Variants in AP4E1 observed in about 807,000 individuals in gnomAD.
AP4E1 encodes adaptor related protein complex 4 subunit epsilon 1.
Under a neutral mutation model 128.2 loss-of-function variants are expected in AP4E1, and 56 were observed. The ratio of observed to expected loss-of-function variants is 0.44; its 90% CI spans 0.35 to 0.55. AP4E1 has a LOEUF of 0.55. Among genes scored for constraint, AP4E1 ranks in the 20% least tolerant of loss-of-function variants. The pLI, the probability that AP4E1 is intolerant of heterozygous loss-of-function variation, is 0.00. For synonymous variants in AP4E1, 484 were observed against 473.1 expected, an observed-to-expected ratio of 1.02 and a Z score of -0.30; for missense variants, 1,324 against 1,307.7, an observed-to-expected ratio of 1.01 and a Z score of -0.19.
chr15:50,946,068 G>A, intron 10 of AP4E1: 1 of 675,834 alleles, frequency 1.5e-6, no homozygotes, highest in Non-Finnish European at 2.6e-6. Context: ...ACAAATTAAA[G>A]TGCTGGGACT....
At chr15:50,911,939 A>G (rs957129124) in intron 1 of AP4E1, 139 bp from the exon 2 acceptor site, 14 of 728,760 alleles carry the variant, frequency 1.9e-5, no homozygotes, top group Middle Eastern at 7.6e-4. Flanking sequence ...TCGTAAGCAG[A>G]TAGTATTTGT....
At chr15:50,953,356 T>C (rs2064177141) in intron 13 of AP4E1, among the ~76,000 whole-genome samples, 1 of 152,236 alleles carries the variant, frequency 6.6e-6, no homozygotes, top group Admixed American at 6.5e-5. Context: ...TAGTTTTGCT[T>C]TCTGCAGTTT....
intron 17 of AP4E1, 96 bp from the exon 18 acceptor site, chr15:50,997,230 A>T: frequency 9.0e-7 from 1 of 1,114,628 alleles, no homozygotes; most frequent in Non-Finnish European, 1.2e-6. Flanking sequence ...ACCTTAGCAA[A>T]TTGTTATATT....
At chr15:50,939,147 C>T (rs2141171539) in intron 8 of AP4E1, among the ~76,000 whole-genome samples, 1 of 152,100 alleles carries the variant, frequency 6.6e-6, no homozygotes. Flanking sequence ...TGAAGAGTAA[C>T]CAAGTTCCAT....
At chr15:50,945,455 C>T (rs2064046400) in intron 10 of AP4E1, 1 of 774,690 alleles carries the variant, frequency 1.3e-6, no homozygotes, top group Non-Finnish European at 2.4e-6. Flanking sequence ...AACTTACATA[C>T]TTTTGATATG....
At chr15:50,964,955 C>CCCCACACACA (rs1555459128) in intron 14 of AP4E1, among the ~76,000 whole-genome samples, 25 of 131,452 alleles carry the variant, frequency 1.9e-4, no homozygotes, top group African/African-American at 5.7e-4. Context: ...CCTCCCCCTA[C>CCCCACACACA]CACACACACA....
intron 10 of AP4E1, among the ~76,000 whole-genome samples, chr15:50,946,807 G>C (rs1362669691): frequency 1.3e-5 from 2 of 152,158 alleles, no homozygotes; most frequent in Non-Finnish European, 2.9e-5. Flanking sequence ...GCAAATGGGA[G>C]CTTACTCTGG....
chr15:50,934,822 G>T, intron 8 of AP4E1, 125 bp downstream of exon 8: 1 of 616,356 alleles, frequency 1.6e-6, no homozygotes, highest in South Asian at 2.2e-5. Context: ...ATAGTTCTTT[G>T]GATTATTATT....
Position 50,968,323 on chromosome 15 carries a change from G to T in AP4E1, c.1912G>T (p.Ala638Ser). 2 of 1,613,736 alleles carry T rather than the reference G, an allele frequency of 1.2e-6. No individual in the cohort carries two copies. Among genetic ancestry groups the T allele is most frequent in the Non-Finnish European group, 1.7e-6 (2 of 1,179,852 alleles). Residue 638 changes from alanine to serine, a missense_variant, in exon 15 of 21, where the codon GCG becomes TCG. Transcript: ENST00000261842. ...GGCTGAAGGACTCAGTCAGGGTGCA[G>T]CGCCTTACAAACCTCCCCATCAACG... The part of the protein sequence containing the change: ...FVAEGLSQGA[A>S]PYKPPHQRQE...
chr15:50,925,190 A>G lies in AP4E1; in HGVS notation c.513A>G (p.Pro171=), dbSNP rs371848403. 23 of 1,613,574 alleles carry G rather than the reference A, an allele frequency of 1.4e-5. No homozygotes were observed. The highest frequency in any genetic ancestry group is 1.7e-5 in the Non-Finnish European group (20 of 1,179,612). The part of the protein sequence containing the change: ...FPCEMIPAVL[P]LIEDKLQHSK... Reference sequence around the variant, plus strand: ...GCGAAATGATTCCAGCTGTTCTTCCATTAATAGAAGATAAACTTCAACATT... The same window carrying G: ...GCGAAATGATTCCAGCTGTTCTTCCGTTAATAGAAGATAAACTTCAACATT... The change falls in exon 5 of 21, where the codon CCA becomes CCG. Residue 171 remains proline, a synonymous_variant. Coordinates refer to ENST00000261842, the MANE Select transcript of AP4E1 (RefSeq NM_007347.5).
At chr15:50,944,804 CA>C in intron 10 of AP4E1, 1 of 691,080 alleles carries the variant, frequency 1.4e-6, no homozygotes, top group Non-Finnish European at 2.6e-6. Context: ...TAAATGCTAC[CA>C]AAATGGAATG....
At chr15:50,944,819 A>G in intron 10 of AP4E1, 1 of 712,798 alleles carries the variant, frequency 1.4e-6, no homozygotes, top group Non-Finnish European at 2.5e-6. Flanking sequence ...TGGAATGAGT[A>G]TTTGCAAAAC....
chr15:50,911,666 C>T (rs1377922334), intron 1 of AP4E1, among the ~76,000 whole-genome samples: 1 of 151,546 alleles, frequency 6.6e-6, no homozygotes, highest in Non-Finnish European at 1.5e-5. Flanking sequence ...TTAGTAGGGA[C>T]GGGGTTTTGC....
chr15:50,988,232 G>A (rs891127629), intron 16 of AP4E1, among the ~76,000 whole-genome samples: 1 of 152,184 alleles, frequency 6.6e-6, no homozygotes, highest in African/African-American at 2.4e-5. Flanking sequence ...TCGTAAGTCA[G>A]AAGTGATCTA....
intron 13 of AP4E1, among the ~76,000 whole-genome samples, chr15:50,950,654 G>A (rs891880446): frequency 6.6e-6 from 1 of 152,088 alleles, no homozygotes. Flanking sequence ...TGTGCAGGAT[G>A]TGTAGGTTTG....
At chr15:50,972,193 A>T (rs1365852330) in intron 15 of AP4E1, among the ~76,000 whole-genome samples, 1 of 136,696 alleles carries the variant, frequency 7.3e-6, no homozygotes, top group Non-Finnish European at 1.6e-5. Context: ...TATAGTCTTC[A>T]TGTAGTTTCT....
chr15:50,908,713 G>T lies in AP4E1; in HGVS notation c.-66G>T. On this transcript the variant is annotated 5_prime_UTR_variant, in exon 1 of 21. Transcript: ENST00000261842. ...CTACGGAGGCCGGGCCGGCAGCGGC[G>T]GCCGGGCATGAAGCCGGGCGGCTAC... 1 of 1,406,896 alleles carries T rather than the reference G, an allele frequency of 7.1e-7. No individual in the cohort carries two copies. Among genetic ancestry groups the T allele is most frequent in the Non-Finnish European group, 9.2e-7 (1 of 1,085,462 alleles). 87.2% of individuals were successfully genotyped at this position (1,406,896 alleles called of 1,614,324 possible).
chr15:50,945,829 A>G, intron 10 of AP4E1: 6 of 779,188 alleles, frequency 7.7e-6, no homozygotes, highest in Non-Finnish European at 1.4e-5. Context: ...TATAAAATGT[A>G]TAGCTTGTCA....
At chr15:50,995,093 C>T (rs2064851032) in intron 17 of AP4E1, among the ~76,000 whole-genome samples, 1 of 152,040 alleles carries the variant, frequency 6.6e-6, no homozygotes, top group Non-Finnish European at 1.5e-5. Context: ...AGCATGTATC[C>T]TCTCACTTCT....
Sources: gnomAD v4.1 joint callset for allele counts (sites outside exome capture counted in the v4.1 genomes callset) on GRCh38, gnomAD v4.1.1 for gene constraint, MANE v1.5 for transcripts, NCBI Gene and HGNC (gene_info 2026-07-23, HGNC 2026-07-21) for gene names.